The following HDAC4 variants were observed in gnomAD, a reference collection of about 807,000 sequenced individuals.
HDAC4 encodes the protein histone deacetylase A.
HDAC4 carries 16 observed loss-of-function variants against 135.1 expected under a neutral mutation model. That is an observed-to-expected ratio of 0.12 (90% CI 0.08 to 0.18). The LOEUF is 0.18. Ranked by LOEUF, HDAC4 falls within the 10% of genes least tolerant of loss-of-function variation. The pLI, the probability that HDAC4 is intolerant of heterozygous loss-of-function variation, is 1.00. For missense variants in HDAC4, 1,143 were observed against 1,511.8 expected (o/e 0.76, Z 4.05); for synonymous variants, 685 against 653.4 (o/e 1.05, Z -0.74).
intron 12 of HDAC4, among the ~76,000 whole-genome samples, chr2:239,119,537 G>A (rs535958713): frequency 6.9e-6 from 1 of 144,748 alleles, no homozygotes; most frequent in African/African-American, 2.8e-5. Context: ...CTGAGGGTGT[G>A]GGGACCAGAG....
chr2:239,194,052 G>T (rs772513654), intron 3 of HDAC4, among the ~76,000 whole-genome samples: 2 of 152,164 alleles, frequency 1.3e-5, no homozygotes, highest in Non-Finnish European at 2.9e-5. Context: ...CCACCACCTG[G>T]GAGTTTTCAG....
At chr2:239,080,105 C>T (rs928342382) in intron 22 of HDAC4, among the ~76,000 whole-genome samples, 2 of 148,726 alleles carry the variant, frequency 1.3e-5, no homozygotes, top group African/African-American at 2.6e-5. Context: ...GACACACACA[C>T]ACAGATGAAC....
intron 2 of HDAC4, among the ~76,000 whole-genome samples, chr2:239,339,902 A>C (rs188317312): frequency 4.1e-4 from 63 of 152,294 alleles, no homozygotes; most frequent in African/African-American, 1.4e-3. Context: ...GAACCAAGAA[A>C]GCCACATCCA....
chr2:239,319,356 A>G (rs1381110289), intron 2 of HDAC4, among the ~76,000 whole-genome samples: 1 of 152,246 alleles, frequency 6.6e-6, no homozygotes, highest in East Asian at 1.9e-4. Flanking sequence ...TGATTAAGAA[A>G]ACGAAACCAA....
chr2:239,077,807 C>G (rs1255827996), intron 22 of HDAC4, among the ~76,000 whole-genome samples: 1 of 152,216 alleles, frequency 6.6e-6, no homozygotes, highest in African/African-American at 2.4e-5. Flanking sequence ...AAGGCAGCAA[C>G]AGCAGCAACA....
At chr2:239,280,629 C>T (rs190061089) in intron 2 of HDAC4, among the ~76,000 whole-genome samples, 63 of 152,248 alleles carry the variant, frequency 4.1e-4, no homozygotes, top group African/African-American at 1.4e-3. Flanking sequence ...GCCTCTCTCC[C>T]GCGTGAGGAA....
intron 13 of HDAC4, among the ~76,000 whole-genome samples, chr2:239,112,455 C>T (rs2038764399): frequency 2.6e-5 from 4 of 152,324 alleles, no homozygotes; most frequent in African/African-American, 7.2e-5. Flanking sequence ...CAGTAACAGC[C>T]CATCAGCTTC....
chr2:239,249,585 G>GA (rs986737023), intron 2 of HDAC4, among the ~76,000 whole-genome samples: 30 of 149,218 alleles, frequency 2.0e-4, no homozygotes, highest in Non-Finnish European at 3.0e-4. Flanking sequence ...ACTTTCTCAG[G>GA]AAAAAAAAAA....
intron 3 of HDAC4, among the ~76,000 whole-genome samples, chr2:239,227,040 G>A (rs1246969659): frequency 6.6e-6 from 1 of 152,260 alleles, no homozygotes; most frequent in African/African-American, 2.4e-5. Flanking sequence ...CTGGAAGTCA[G>A]AAAGGATCTG....
intron 2 of HDAC4, among the ~76,000 whole-genome samples, chr2:239,284,627 G>T (rs2051027746): frequency 6.6e-6 from 1 of 152,310 alleles, no homozygotes; most frequent in Admixed American, 6.5e-5. Context: ...CATGAAGATG[G>T]TCCCAGCACA....
At chr2:239,329,453 G>T (rs576062447) in intron 2 of HDAC4, among the ~76,000 whole-genome samples, 1 of 151,394 alleles carries the variant, frequency 6.6e-6, no homozygotes, top group East Asian at 2.0e-4. Context: ...GAGGGCAGGG[G>T]CCACGTCGGG....
chr2:239,340,520 C>G (rs993864777), intron 2 of HDAC4, among the ~76,000 whole-genome samples: 2 of 152,090 alleles, frequency 1.3e-5, no homozygotes, highest in Non-Finnish European at 2.9e-5. Context: ...AGGCTGGGTA[C>G]TCCATCGGTG....
At chr2:239,069,957 C>A (rs1322265435) in intron 22 of HDAC4, among the ~76,000 whole-genome samples, 1 of 152,222 alleles carries the variant, frequency 6.6e-6, no homozygotes, top group African/African-American at 2.4e-5. Context: ...CCCACTAACA[C>A]CCCTCCTTGG....
chr2:239,383,979 C>T (rs1559399694), intron 1 of HDAC4, among the ~76,000 whole-genome samples: 2 of 152,182 alleles, frequency 1.3e-5, no homozygotes, highest in South Asian at 4.1e-4. Context: ...ACCTGGGCAC[C>T]GTGCGAGAGG....
chr2:239,340,946 A>C (rs967206908), intron 2 of HDAC4, among the ~76,000 whole-genome samples: 2 of 152,044 alleles, frequency 1.3e-5, no homozygotes, highest in African/African-American at 4.8e-5. Context: ...GCACCCACTA[A>C]ACATCTCTAA....
chr2:239,100,046 G>A (rs2037471697), intron 16 of HDAC4, among the ~76,000 whole-genome samples: 1 of 152,248 alleles, frequency 6.6e-6, no homozygotes. Flanking sequence ...CATGGCCGCA[G>A]GCCCCATGGA....
intron 12 of HDAC4, among the ~76,000 whole-genome samples, chr2:239,118,744 C>G (rs2039368211): frequency 6.6e-6 from 1 of 152,162 alleles, no homozygotes. Flanking sequence ...TAGACTTTCA[C>G]AAAGCCGGGG....
chr2:239,251,851 T>C (rs372582481), intron 2 of HDAC4, among the ~76,000 whole-genome samples: 7 of 152,324 alleles, frequency 4.6e-5, no homozygotes, highest in African/African-American at 1.7e-4. Context: ...AGGTGTACCA[T>C]GTGCAGAAAT....
chr2:239,083,478 T>C (rs894023710), intron 20 of HDAC4, among the ~76,000 whole-genome samples: 1 of 152,202 alleles, frequency 6.6e-6, no homozygotes, highest in African/African-American at 2.4e-5. Context: ...ATTCAAATCA[T>C]AACCCTACCT....
Sources: gnomAD v4.1 joint callset for allele counts (sites outside exome capture counted in the v4.1 genomes callset) on GRCh38, gnomAD v4.1.1 for gene constraint, MANE v1.5 for transcripts, NCBI Gene and HGNC (gene_info 2026-07-23, HGNC 2026-07-21) for gene names.